PDE6B: variants seen among roughly 807,000 people sequenced by gnomAD.
PDE6B encodes phosphodiesterase 6B.
A neutral mutation model predicts 109.0 loss-of-function variants in PDE6B; 106 were observed. That is an observed-to-expected ratio of 0.97 (90% CI 0.83 to 1.14). The LOEUF (loss-of-function observed/expected upper bound fraction) is 1.14, where lower values mean the gene tolerates loss of function less well. Ranked by LOEUF, PDE6B falls within the 50% of genes most tolerant of loss-of-function variation. The pLI is 0.00. For synonymous variants in PDE6B, 490 were observed against 471.3 expected, an observed-to-expected ratio of 1.04 and a Z score of -0.51; for missense variants, 1,193 against 1,155.6, an observed-to-expected ratio of 1.03 and a Z score of -0.47.
intron 3 of PDE6B, chr4:651,700 A>G (rs13143260): frequency 1.4e-5 from 2 of 144,166 alleles, no homozygotes; most frequent in African/African-American, 5.5e-5. Context: ...TGGAGCTATG[A>G]AGAGCCGTCT....
At chr4:652,611 T>C in intron 3 of PDE6B, 1 of 433,420 alleles carries the variant, frequency 2.3e-6, no homozygotes, top group Non-Finnish European at 3.1e-6. Flanking sequence ...AAATTAAAAA[T>C]AAGAATAAGA....
chr4:647,945 C>T (rs1735289070), intron 3 of PDE6B, among the ~76,000 whole-genome samples: 1 of 151,852 alleles, frequency 6.6e-6, no homozygotes. Context: ...CGTGGTGGTG[C>T]ATGCCTATAA....
At chr4:658,038 C>T (rs1736554395) in intron 10 of PDE6B, among the ~76,000 whole-genome samples, 1 of 132,350 alleles carries the variant, frequency 7.6e-6, no homozygotes, top group African/African-American at 3.1e-5. Context: ...ATCCAGGGGT[C>T]ACGGCTGTGT....
At chr4:639,267 C>T (rs541268118) in intron 3 of PDE6B, among the ~76,000 whole-genome samples, 2 of 152,116 alleles carry the variant, frequency 1.3e-5, no homozygotes, top group Admixed American at 6.5e-5. Flanking sequence ...GCCTCAGCCT[C>T]CCAAGCAGCT....
At chr4:655,864 C>T (rs1245651124) in intron 6 of PDE6B, 76 bp from the exon 7 acceptor site, 4 of 865,792 alleles carry the variant, frequency 4.6e-6, no homozygotes, top group Non-Finnish European at 8.0e-6. Flanking sequence ...TGCACACAGA[C>T]ATCCAGTCCC....
Position 625,837 on chromosome 4 carries a change from A to G in PDE6B, c.211A>G (p.Asn71Asp), listed in dbSNP as rs778885873. 1 of 1,612,934 alleles carries G rather than the reference A, an allele frequency of 6.2e-7. No individual in the cohort carries two copies. Among genetic ancestry groups the G allele is most frequent in the Non-Finnish European group, 8.5e-7 (1 of 1,179,888 alleles). The change falls in exon 1 of 22, where the codon AAC (asparagine) becomes GAC (aspartate). Residue 71 changes from asparagine (N) to aspartate (D), a missense_variant. Physicochemically the swap from Asn to Asp is conservative, Grantham distance 23. Transcript: ENST00000496514. This position sits in a 1 kb window ranked among gnomAD's most constrained non-coding sequence, Gnocchi z 5.0. ...ELVQDMQESINMERVVFKVLR... is the reference protein window; with the variant it reads ...ELVQDMQESIDMERVVFKVLR... ...GGTGCAGGATATGCAGGAGAGCATCAACATGGAGCGCGTGGTCTTCAAGGT... is the reference window on the plus strand; with the variant it reads ...GGTGCAGGATATGCAGGAGAGCATCGACATGGAGCGCGTGGTCTTCAAGGT...
At chr4:630,990 C>T (rs938228779) in intron 1 of PDE6B, among the ~76,000 whole-genome samples, 9 of 152,186 alleles carry the variant, frequency 5.9e-5, no homozygotes, top group African/African-American at 1.9e-4. Context: ...GAAATGGAGC[C>T]AGGTGCCTGC....
chr4:663,572 C>G lies in PDE6B; in HGVS notation c.1921-198C>G, dbSNP rs560542787. Reference sequence around the variant, plus strand: ...CTCTGAGGCCATCTGCGTCCCAAGCCGACGATGGAGCCGCTGGTGGAGAGC... The same window carrying G: ...CTCTGAGGCCATCTGCGTCCCAAGCGGACGATGGAGCCGCTGGTGGAGAGC... On this transcript the variant is annotated intron_variant, in intron 15 of 21. Transcript: ENST00000496514. This position sits in a 1 kb window ranked among gnomAD's most constrained non-coding sequence, Gnocchi z 4.0. Among the ~76,000 whole-genome samples, 1 of 152,160 alleles carries G rather than the reference C, an allele frequency of 6.6e-6. No individual in the cohort carries two copies. The highest frequency in any genetic ancestry group is 2.4e-5 in the African/African-American group (1 of 41,446).
At chr4:651,413 C>T (rs1735539489) in intron 3 of PDE6B, 2 of 154,290 alleles carry the variant, frequency 1.3e-5, no homozygotes, top group Non-Finnish European at 2.9e-5. Flanking sequence ...AGGAGGAGGG[C>T]CTGGGATGAG....
chr4:661,730 G>A (rs574737340), intron 12 of PDE6B: 12 of 305,764 alleles, frequency 3.9e-5, no homozygotes, highest in South Asian at 3.2e-4. Context: ...CTTGCCCTGC[G>A]GACATCGGTT....
chr4:655,440 C>A, intron 6 of PDE6B: 1 of 285,592 alleles, frequency 3.5e-6, no homozygotes, highest in Non-Finnish European at 6.7e-6. Flanking sequence ...GATCCAGGTG[C>A]CAGGCTTGAG....
Position 665,211 on chromosome 4 carries a change from G to T in PDE6B, c.2194-44G>T, listed in dbSNP as rs371570614. The T allele has an allele frequency of 2.7e-6, 4 of 1,482,794 alleles. No individual in the cohort carries two copies. Among genetic ancestry groups the T allele is most frequent in the Non-Finnish European group, 3.8e-6 (4 of 1,063,964 alleles). 91.9% of individuals were successfully genotyped at this position (1,482,794 alleles called of 1,614,324 possible). A position where few individuals can be genotyped will look rare whatever the true frequency, so the allele number is the denominator to read the frequency against. On this transcript the variant is annotated intron_variant, in intron 18 of 21. Transcript: ENST00000496514. This position sits in a 1 kb window ranked among gnomAD's most constrained non-coding sequence, Gnocchi z 4.0. ...ACGGGGCGGGCCCGGGCCCTTCCGC[G>T]TGGGCTCAGAGCTCCACAGACAGCT...
rs760105867 is a variant in PDE6B at position 667,914 on chromosome 4, G to A, written c.2411G>A (p.Arg804Lys). Reference protein sequence around the residue: ...LPMFDRLQNNRKEWKALADEY... With the variant: ...LPMFDRLQNNKKEWKALADEY... ...ATGTTCGACCGACTGCAGAACAATA[G>A]GAAAGAGTGGAAGGCGCTGGCTGAT... Residue 804 changes from arginine (R) to lysine (K), a missense_variant, in exon 21 of 22, where the codon AGG becomes AAG. Arg to Lys is a conservative substitution (Grantham distance 26). Coordinates refer to ENST00000496514, the MANE Select transcript of PDE6B (RefSeq NM_000283.4). The A allele has an allele frequency of 6.2e-7, 1 of 1,613,616 alleles. No homozygotes were observed. Among genetic ancestry groups the A allele is most frequent in the South Asian group, 1.1e-5 (1 of 91,078 alleles).
chr4:655,609 A>G lies in PDE6B; in HGVS notation c.993-331A>G, dbSNP rs73056598. The G allele has an allele frequency of 7.1e-3, 3,183 of 445,202 alleles. 118 individuals are homozygous for G. Among genetic ancestry groups the G allele is most frequent in the African/African-American group, 0.057 (2,872 of 50,096 alleles). The allele number at this position is 445,202 out of a possible 1,614,324, so 27.6% of individuals were successfully genotyped here. Reference sequence around the variant, plus strand: ...AAGAAGGCAGCACAGCCGTCCTCCAACCCACGCCCTGGCCTCCTCGCCTCC... The same window carrying G: ...AAGAAGGCAGCACAGCCGTCCTCCAGCCCACGCCCTGGCCTCCTCGCCTCC... On this transcript the variant is annotated intron_variant, in intron 6 of 21. Coordinates refer to ENST00000496514, the MANE Select transcript of PDE6B (RefSeq NM_000283.4).
Position 665,138 on chromosome 4 carries a change from T to C in PDE6B, c.2194-117T>C. On this transcript the variant is annotated intron_variant, in intron 18 of 21. Coordinates refer to ENST00000496514, the MANE Select transcript of PDE6B (RefSeq NM_000283.4). This position sits in a 1 kb window ranked among gnomAD's most constrained non-coding sequence, Gnocchi z 4.0. ...ATGGCTCAACCGGAGCCCTGTGTGG[T>C]GGGGACCCCGGGGGTCTGGGGCGGA... 1 of 872,214 alleles carries C rather than the reference T, an allele frequency of 1.1e-6. No homozygotes were observed. Among genetic ancestry groups the C allele is most frequent in the Admixed American group, 1.9e-5 (1 of 51,672 alleles). 54.0% of individuals were successfully genotyped at this position (872,214 alleles called of 1,614,324 possible). A position where few individuals can be genotyped will look rare whatever the true frequency, so the allele number is the denominator to read the frequency against.
chr4:628,930 G>C (rs994121497), intron 1 of PDE6B, among the ~76,000 whole-genome samples: 13 of 152,234 alleles, frequency 8.5e-5, no homozygotes, highest in Non-Finnish European at 1.3e-4. Context: ...CTGCACAAGG[G>C]GGGCCCTGCC....
chr4:664,590 TG>T (rs1390320251), intron 17 of PDE6B, among the ~76,000 whole-genome samples: 3 of 151,388 alleles, frequency 2.0e-5, no homozygotes, highest in African/African-American at 7.3e-5. Flanking sequence ...CCGAGGGGAG[TG>T]GATCACCTGA....
At chr4:649,019 C>A (rs1432906128) in intron 3 of PDE6B, among the ~76,000 whole-genome samples, 3 of 152,096 alleles carry the variant, frequency 2.0e-5, no homozygotes, top group African/African-American at 7.2e-5. Flanking sequence ...CGGGCAGTGG[C>A]GGGAGCCTGT....
rs528645687 is a variant in PDE6B at position 627,037 on chromosome 4, C to G, written c.468+943C>G. ...GCAAGAGGCCCAGGCAGCCTCCGCT[C>G]TTGCTGGATGAGCCTTGGGAATTAC... On this transcript the variant is annotated intron_variant, in intron 1 of 21. Coordinates refer to ENST00000496514, the MANE Select transcript of PDE6B (RefSeq NM_000283.4). Among the ~76,000 whole-genome samples the G allele has an allele frequency of 1.2e-4, 18 of 152,354 alleles. No individual in the cohort carries two copies. In the South Asian group the frequency reaches 2.7e-3, roughly 23 times the overall value.
Sources: gnomAD v4.1 joint callset for allele counts (sites outside exome capture counted in the v4.1 genomes callset) on GRCh38, gnomAD v4.1.1 for gene constraint, Gnocchi (gnomAD v3.1) non-coding constraint, MANE v1.5 for transcripts, NCBI Gene and HGNC (gene_info 2026-07-23, HGNC 2026-07-21) for gene names.